The following EFHC2 variants were observed in gnomAD, a reference collection of about 807,000 sequenced individuals.
The protein encoded by EFHC2 is EF-hand domain-containing family member C2.
In EFHC2, 18 loss-of-function variants were observed where a neutral mutation model predicts 52.7. That is an observed-to-expected ratio of 0.34 (90% CI 0.24 to 0.51). The LOEUF (loss-of-function observed/expected upper bound fraction) is 0.51. Among genes scored for constraint, EFHC2 ranks in the 20% least tolerant of loss-of-function variants. The pLI, the probability that EFHC2 is intolerant of heterozygous loss-of-function variation, is 0.97. For synonymous variants in EFHC2, 203 were observed against 204.1 expected (o/e 0.99, Z 0.04); for missense variants, 513 against 562.5 (o/e 0.91, Z 0.89).
chrX:44,179,694 C>T (rs986712575), intron 11 of EFHC2, among the ~76,000 whole-genome samples: 1 of 111,948 alleles, frequency 8.9e-6, no homozygotes, highest in Non-Finnish European at 1.9e-5. Flanking sequence ...CAAAATCCAA[C>T]CAAGATGATC....
At position 44,309,042 on chromosome X, in the gene EFHC2, C is replaced by G. The variant is rs1009768651; in HGVS notation, c.231+3526G>C. Among the ~76,000 whole-genome samples the G allele has an allele frequency of 2.7e-5, 3 of 112,729 alleles. No individual in the cohort carries two copies. The Admixed American group carries it at 2.8e-4, about 11-fold the overall frequency. ...AAATGACTGTTTAATCCTGCTGTGC[C>G]AAGCTCACTAGAGGGTCAACCCTCA... On this transcript the variant is annotated intron_variant, in intron 2 of 14. Coordinates refer to ENST00000420999, the MANE Select transcript of EFHC2 (RefSeq NM_025184.4).
intron 11 of EFHC2, among the ~76,000 whole-genome samples, chrX:44,195,405 G>A (rs772612367): frequency 1.0e-4 from 11 of 109,404 alleles, no homozygotes; most frequent in Non-Finnish European, 2.1e-4. Context: ...CTAAATAAAT[G>A]TGTGTGTGTG....
chrX:44,328,871 G>A (rs1264936780), intron 1 of EFHC2, among the ~76,000 whole-genome samples: 1 of 111,444 alleles, frequency 9.0e-6, no homozygotes, highest in Non-Finnish European at 1.9e-5. Flanking sequence ...CCAATGGGAA[G>A]CCTCTAGAAG....
Position 44,294,249 on chromosome X carries a change from CGTGTGTGTGTGTGT to C in EFHC2, c.231+18305_231+18318del, listed in dbSNP as rs200162737. On this transcript the variant is annotated intron_variant, in intron 2 of 14. Coordinates refer to ENST00000420999, the MANE Select transcript of EFHC2 (RefSeq NM_025184.4). ...AAGTTTTCAGATTTGGTATACTCAA[CGTGTGTGTGTGTGT>C]GTGTGTGTGTGTGTGTGTGTGTGTG... 8.7e-3 allele frequency among the ~76,000 whole-genome samples: 762 copies of C among 87,473 alleles called. 7 individuals carry two copies. The highest frequency in any genetic ancestry group is 0.026 in the African/African-American group (635 of 24,339). The allele number at this position is 87,473 out of a possible 115,157, so 76.0% of individuals were successfully genotyped here.
At chrX:44,306,514 C>T (rs1002630115) in intron 2 of EFHC2, among the ~76,000 whole-genome samples, 1 of 111,712 alleles carries the variant, frequency 9.0e-6, no homozygotes, top group Non-Finnish European at 1.9e-5. Context: ...GGAGGTAACA[C>T]ATTTAAGTGG....
intron 14 of EFHC2, among the ~76,000 whole-genome samples, chrX:44,154,647 T>G (rs1410118267): frequency 1.8e-5 from 2 of 109,962 alleles, no homozygotes; most frequent in Non-Finnish European, 3.8e-5. Context: ...AAGGCTGCAG[T>G]GAGCCATGAT....
At chrX:44,175,025 T>G (rs767365456) in intron 13 of EFHC2, among the ~76,000 whole-genome samples, 1 of 111,609 alleles carries the variant, frequency 9.0e-6, no homozygotes, top group African/African-American at 3.3e-5. Context: ...TATCTGTTCC[T>G]TTGGTTTCTC....
chrX:44,305,271 T>A (rs141495096), intron 2 of EFHC2, among the ~76,000 whole-genome samples: 10,459 of 109,463 alleles, frequency 0.096, 465 homozygotes, highest in Admixed American at 0.18. Context: ...CAAAAAAAAA[T>A]AATAAAATAA....
chrX:44,323,609 T>C (rs1447669601), intron 1 of EFHC2, among the ~76,000 whole-genome samples: 1 of 110,466 alleles, frequency 9.1e-6, no homozygotes, highest in African/African-American at 3.3e-5. Flanking sequence ...AATCAATCCA[T>C]AGAGAGCCTT....
intron 14 of EFHC2, among the ~76,000 whole-genome samples, chrX:44,149,119 G>A (rs1324130524): frequency 4.5e-5 from 5 of 111,903 alleles, no homozygotes; most frequent in Admixed American, 3.8e-4. Context: ...AACCTCCTGT[G>A]GAGTAAGAAG....
At chrX:44,276,477 T>G in intron 2 of EFHC2, among the ~76,000 whole-genome samples, 1 of 112,454 alleles carries the variant, frequency 8.9e-6, no homozygotes, top group Non-Finnish European at 1.9e-5. Flanking sequence ...CAATTAGCTT[T>G]AAATAACAGG....
At chrX:44,303,989 G>A (rs1453283348) in intron 2 of EFHC2, among the ~76,000 whole-genome samples, 1 of 112,549 alleles carries the variant, frequency 8.9e-6, no homozygotes, top group Non-Finnish European at 1.9e-5. Flanking sequence ...AATGAAAAAT[G>A]AGAGCAAAAT....
chrX:44,165,496 T>C (rs2036689866), intron 13 of EFHC2, among the ~76,000 whole-genome samples: 1 of 112,231 alleles, frequency 8.9e-6, no homozygotes, highest in South Asian at 3.7e-4. Context: ...ATAGCCAAAA[T>C]GTAGGACCAT....
At chrX:44,157,723 C>A (rs1357001248) in intron 14 of EFHC2, among the ~76,000 whole-genome samples, 1 of 98,957 alleles carries the variant, frequency 1.0e-5, no homozygotes, top group African/African-American at 3.9e-5. Flanking sequence ...TATTGCCAGT[C>A]CCTGAGTGCT....
At chrX:44,164,357 A>G (rs1490830857) in intron 13 of EFHC2, among the ~76,000 whole-genome samples, 1 of 111,843 alleles carries the variant, frequency 8.9e-6, no homozygotes, top group Admixed American at 9.5e-5. Flanking sequence ...AAAAAGATTT[A>G]AAGGTCCTTT....
chrX:44,191,901 A>G (rs191470958), intron 11 of EFHC2, among the ~76,000 whole-genome samples: 1 of 112,106 alleles, frequency 8.9e-6, no homozygotes, highest in Non-Finnish European at 1.9e-5. Flanking sequence ...TCACATTCAG[A>G]TAAAATATGA....
chrX:44,186,483 G>C (rs183451415), intron 11 of EFHC2, among the ~76,000 whole-genome samples: 137 of 111,692 alleles, frequency 1.2e-3, no homozygotes, highest in African/African-American at 4.3e-3. Flanking sequence ...TTCTACCACT[G>C]CCTTTGCATT....
At position 44,246,631 on chromosome X, in the gene EFHC2, C is replaced by T. The variant is rs2037402964; in HGVS notation, c.1111+1641G>A. On this transcript the variant is annotated intron_variant, in intron 7 of 14. Coordinates refer to ENST00000420999, the MANE Select transcript of EFHC2 (RefSeq NM_025184.4). The stretch of plus-strand genomic sequence containing the variant: ...AGGACATTTGAAGCTGATACATTTA[C>T]CCAGGATGGCTCGATTTGGAGCACA... 6.3e-5 allele frequency among the ~76,000 whole-genome samples: 7 copies of T among 111,266 alleles called. No individual in the cohort carries two copies. In the South Asian group the frequency reaches 2.7e-3, roughly 43 times the overall value.
At chrX:44,218,301 A>G (rs1292725051) in intron 11 of EFHC2, among the ~76,000 whole-genome samples, 1 of 111,100 alleles carries the variant, frequency 9.0e-6, no homozygotes, top group Non-Finnish European at 1.9e-5. Flanking sequence ...AAAGGCCAGT[A>G]TTTTAGCTTC....
Sources: allele counts gnomAD v4.1 joint callset (sites outside exome capture counted in the v4.1 genomes callset), GRCh38; gene constraint gnomAD v4.1.1; transcripts MANE v1.5; gene names NCBI Gene and HGNC (gene_info 2026-07-23, HGNC 2026-07-21).